IFT80: variants seen among roughly 807,000 people sequenced by gnomAD.
The protein encoded by IFT80 is intraflagellar transport protein 80 homolog.
IFT80 carries 79 observed loss-of-function variants against 107.9 expected under a neutral mutation model. The ratio of observed to expected loss-of-function variants is 0.73; its 90% CI spans 0.61 to 0.88. The LOEUF (loss-of-function observed/expected upper bound fraction) is 0.88. Ranked by LOEUF, IFT80 falls within the 40% of genes least tolerant of loss-of-function variation. The pLI, the probability that IFT80 is intolerant of heterozygous loss-of-function variation, is 0.00. For missense variants in IFT80, 797 were observed against 914.2 expected (o/e 0.87, Z 1.65); for synonymous variants, 299 against 300.9 (o/e 0.99, Z 0.07).
chr3:160,367,501 C>T (rs1721946025), intron 5 of IFT80, among the ~76,000 whole-genome samples: 1 of 152,048 alleles, frequency 6.6e-6, no homozygotes, highest in African/African-American at 2.4e-5. Context: ...ATCTAATAAC[C>T]TCCCACTCAT....
At chr3:160,388,165 T>C (rs907429738) in intron 1 of IFT80, among the ~76,000 whole-genome samples, 1 of 151,202 alleles carries the variant, frequency 6.6e-6, no homozygotes, top group African/African-American at 2.4e-5. Context: ...CATATGCAGA[T>C]GACCGCATAA....
At chr3:160,271,175 T>G (rs1383108039) in intron 18 of IFT80, among the ~76,000 whole-genome samples, 1 of 152,138 alleles carries the variant, frequency 6.6e-6, no homozygotes, top group Non-Finnish European at 1.5e-5. Context: ...AAGCACATAC[T>G]GGGTAAAAAA....
intron 6 of IFT80, among the ~76,000 whole-genome samples, chr3:160,362,093 G>T (rs1721532895): frequency 6.6e-6 from 1 of 152,068 alleles, no homozygotes; most frequent in Admixed American, 6.6e-5. Context: ...CCAGGAGCTG[G>T]TTTTTTGAAA....
rs558471070 is a variant in IFT80, at chr3:160,346,323, G to A, written c.777+9690C>T. Among the ~76,000 whole-genome samples, 18 of 152,158 alleles carry A rather than the reference G, an allele frequency of 1.2e-4. No individual in the cohort carries two copies. In the South Asian group the frequency reaches 3.5e-3, roughly 30 times the overall value. On this transcript the variant is annotated intron_variant, in intron 8 of 19. Coordinates refer to ENST00000326448, the MANE Select transcript of IFT80 (RefSeq NM_020800.3). ...TGTTAGTTTGATATAATCCTTCCAC[G>A]ATGTATACATATATCAAAACATCAC...
chr3:160,319,700 C>A (rs1718064900), intron 9 of IFT80, 60 bp downstream of exon 9: 1 of 1,301,158 alleles, frequency 7.7e-7, no homozygotes, highest in Admixed American at 1.7e-5. Context: ...ATTCCATATT[C>A]TGTACAGTTA....
chr3:160,361,392 T>G (rs986169469), intron 6 of IFT80, among the ~76,000 whole-genome samples: 1 of 152,160 alleles, frequency 6.6e-6, no homozygotes, highest in African/African-American at 2.4e-5. Context: ...CTTAGAGACC[T>G]AAAAAGAAAC....
rs763973771 is a variant in IFT80 at position 160,366,064 on chromosome 3, T to C, written c.528A>G (p.Gln176=). ...GTACCTGCAAAACTTTAGCATTTGGTTGAAGAGGTTTAATGATTAGCTGCT... is the reference window on the plus strand; with the variant it reads ...GTACCTGCAAAACTTTAGCATTTGGCTGAAGAGGTTTAATGATTAGCTGCT... ...AGKQLIIKPL[Q]PNAKVLQWKA... Residue 176 remains glutamine (Q), a synonymous_variant, in exon 6 of 20, where the codon CAA becomes CAG. Coordinates refer to ENST00000326448, the MANE Select transcript of IFT80 (RefSeq NM_020800.3). 3.7e-6 allele frequency: 6 copies of C among 1,612,628 alleles called. No individual in the cohort carries two copies. The highest frequency in any genetic ancestry group is 4.2e-6 in the Non-Finnish European group (5 of 1,178,962).
intron 6 of IFT80, among the ~76,000 whole-genome samples, chr3:160,357,854 C>T (rs897259046): frequency 1.3e-5 from 2 of 152,166 alleles, no homozygotes; most frequent in Admixed American, 6.5e-5. Flanking sequence ...TGACTTGCTG[C>T]TGAACTATTT....
Position 160,377,765 on chromosome 3 carries a change from T to C in IFT80, c.260-225A>G, listed in dbSNP as rs1712139317. ...ATGCTTACGTGGTTCAAAATAATTA[T>C]ACATGTTCATAACAGGGAAAAACCC... On this transcript the variant is annotated intron_variant, in intron 3 of 19. Coordinates refer to ENST00000326448, the MANE Select transcript of IFT80 (RefSeq NM_020800.3). 3 of 343,236 alleles carry C rather than the reference T, an allele frequency of 8.7e-6. No homozygotes were observed. The Admixed American group carries it at 1.4e-4, about 16-fold the overall frequency. The allele number at this position is 343,236 out of a possible 1,614,324, so 21.3% of individuals were successfully genotyped here. A position where few individuals can be genotyped will look rare whatever the true frequency, so the allele number is the denominator to read the frequency against.
At chr3:160,303,233 T>A (rs964864453) in intron 11 of IFT80, among the ~76,000 whole-genome samples, 1 of 152,192 alleles carries the variant, frequency 6.6e-6, no homozygotes, top group African/African-American at 2.4e-5. Flanking sequence ...TTTTATTGGG[T>A]TGTAGCTGTC....
At chr3:160,262,331 A>T (rs1463307944) in intron 19 of IFT80, among the ~76,000 whole-genome samples, 4 of 152,154 alleles carry the variant, frequency 2.6e-5, no homozygotes, top group Admixed American at 2.6e-4. Context: ...ATGGGAAAAA[A>T]ATATATGGGA....
chr3:160,286,181 T>TA (rs1178126985), intron 12 of IFT80, among the ~76,000 whole-genome samples: 1 of 152,208 alleles, frequency 6.6e-6, no homozygotes, highest in East Asian at 1.9e-4. Flanking sequence ...TTTAAACTAA[T>TA]ATAACACCAT....
At chr3:160,386,024 C>G (rs1333330349) in intron 1 of IFT80, among the ~76,000 whole-genome samples, 2 of 152,190 alleles carry the variant, frequency 1.3e-5, no homozygotes, top group Admixed American at 6.5e-5. Flanking sequence ...CAGAAAACCT[C>G]AAACTGCCAA....
intron 8 of IFT80, among the ~76,000 whole-genome samples, chr3:160,330,438 T>C (rs1170743581): frequency 6.6e-6 from 1 of 152,166 alleles, no homozygotes; most frequent in East Asian, 1.9e-4. Flanking sequence ...TTCTCCTAGG[T>C]ATGTGAATAT....
intron 12 of IFT80, among the ~76,000 whole-genome samples, chr3:160,291,698 G>T (rs1287635463): frequency 1.3e-5 from 2 of 152,194 alleles, no homozygotes; most frequent in Non-Finnish European, 2.9e-5. Context: ...CACATGGTCA[G>T]GCAAGAAGGA....
intron 8 of IFT80, among the ~76,000 whole-genome samples, chr3:160,324,430 C>A (rs1718517161): frequency 6.6e-6 from 1 of 152,162 alleles, no homozygotes; most frequent in African/African-American, 2.4e-5. Flanking sequence ...GCTTATCCAC[C>A]ATGATCAAGT....
chr3:160,339,589 AAC>A (rs372488169), intron 8 of IFT80, among the ~76,000 whole-genome samples: 154 of 152,320 alleles, frequency 1.0e-3, no homozygotes, highest in African/African-American at 3.7e-3. Context: ...AATTGCAGCT[AAC>A]ACAGTTTTCT....
chr3:160,274,979 T>A (rs1714138730), intron 18 of IFT80, among the ~76,000 whole-genome samples: 1 of 152,246 alleles, frequency 6.6e-6, no homozygotes, highest in Non-Finnish European at 1.5e-5. Context: ...TGCTTAGTGA[T>A]AAATTGAGCT....
At position 160,280,780 on chromosome 3, in the gene IFT80, T is replaced by C; in HGVS notation, c.1551A>G (p.Thr517=). 1.2e-6 allele frequency: 2 copies of C among 1,613,424 alleles called. No homozygotes were observed. Among genetic ancestry groups the C allele is most frequent in the Non-Finnish European group, 8.5e-7 (1 of 1,179,564 alleles). Residue 517 remains threonine (T), a synonymous_variant, in exon 15 of 20, where the codon ACA becomes ACG. Coordinates refer to ENST00000326448, the MANE Select transcript of IFT80 (RefSeq NM_020800.3). ...CTTGAAGTCCACAAAGGATATTGCA[T>C]GTATCGTTCCATGCCAAAGTATGCA... ...TMVHTLAWND[T]CNILCGLQDT...
Sources: allele counts gnomAD v4.1 joint callset (sites outside exome capture counted in the v4.1 genomes callset), GRCh38; gene constraint gnomAD v4.1.1; transcripts MANE v1.5; gene names NCBI Gene and HGNC (gene_info 2026-07-23, HGNC 2026-07-21).